Variants in MARCHF1 observed in about 807,000 individuals in gnomAD.
The protein encoded by MARCHF1 is E3 ubiquitin-protein ligase MARCHF1.
Under a neutral mutation model 54.2 loss-of-function variants are expected in MARCHF1, and 40 were observed. The ratio of observed to expected loss-of-function variants is 0.74; its 90% CI spans 0.57 to 0.96. MARCHF1 has a LOEUF of 0.96. Ranked by LOEUF, MARCHF1 falls within the 40% of genes least tolerant of loss-of-function variation. MARCHF1 has a pLI of 0.00. For synonymous variants in MARCHF1, 236 were observed against 236.3 expected, an observed-to-expected ratio of 1.00 and a Z score of 0.01; for missense variants, 586 against 656.5, an observed-to-expected ratio of 0.89 and a Z score of 1.17.
At chr4:164,105,830 C>G (rs1755682122) in intron 2 of MARCHF1, among the ~76,000 whole-genome samples, 1 of 139,334 alleles carries the variant, frequency 7.2e-6, no homozygotes, top group African/African-American at 2.9e-5. Flanking sequence ...GAACAGGTAA[C>G]CTACAATATG....
At chr4:163,831,835 C>A (rs1474140269) in intron 4 of MARCHF1, among the ~76,000 whole-genome samples, 1 of 152,106 alleles carries the variant, frequency 6.6e-6, no homozygotes, top group Non-Finnish European at 1.5e-5. Context: ...TTTGGTGTGG[C>A]AGAGCTTGAA....
intron 5 of MARCHF1, among the ~76,000 whole-genome samples, chr4:163,657,608 T>C (rs562203059): frequency 6.6e-6 from 1 of 151,962 alleles, no homozygotes; most frequent in South Asian, 2.1e-4. Flanking sequence ...GCCAAGACAA[T>C]CCTAGGCAAA....
At chr4:163,744,854 A>G (rs1746310797) in intron 4 of MARCHF1, among the ~76,000 whole-genome samples, 1 of 152,156 alleles carries the variant, frequency 6.6e-6, no homozygotes, top group Non-Finnish European at 1.5e-5. Flanking sequence ...AAATATATTG[A>G]CTAAAGATAT....
chr4:163,719,584 T>C (rs941794181), intron 4 of MARCHF1, among the ~76,000 whole-genome samples: 1 of 152,146 alleles, frequency 6.6e-6, no homozygotes, highest in African/African-American at 2.4e-5. Flanking sequence ...TTTCTACTTC[T>C]AGATCCTTGA....
intron 5 of MARCHF1, among the ~76,000 whole-genome samples, chr4:163,675,904 T>C (rs1218052563): frequency 2.0e-5 from 3 of 152,188 alleles, no homozygotes; most frequent in Admixed American, 6.5e-5. Flanking sequence ...AGAAGTCTTG[T>C]CAATTCATGC....
chr4:163,888,880 A>G (rs993783572), intron 3 of MARCHF1, among the ~76,000 whole-genome samples: 1 of 152,238 alleles, frequency 6.6e-6, no homozygotes, highest in East Asian at 1.9e-4. Context: ...CTTAATTTCT[A>G]CACTAGTGCC....
intron 9 of MARCHF1, among the ~76,000 whole-genome samples, chr4:163,533,479 T>G (rs1738424042): frequency 6.6e-6 from 1 of 151,782 alleles, no homozygotes; most frequent in South Asian, 2.1e-4. Flanking sequence ...ACACAAAGAG[T>G]GAGCCCCAAT....
At chr4:164,212,265 C>T (rs1276007424) in intron 1 of MARCHF1, among the ~76,000 whole-genome samples, 3 of 152,146 alleles carry the variant, frequency 2.0e-5, no homozygotes, top group African/African-American at 7.2e-5. Flanking sequence ...ATTTAATCAT[C>T]ATGATAGCCA....
chr4:163,873,595 G>A (rs1750226376), intron 3 of MARCHF1, among the ~76,000 whole-genome samples: 1 of 152,186 alleles, frequency 6.6e-6, no homozygotes, highest in Non-Finnish European at 1.5e-5. Flanking sequence ...GGCTTCCCCA[G>A]CATCTGAGTT....
intron 1 of MARCHF1, among the ~76,000 whole-genome samples, chr4:164,232,091 A>G (rs1228367529): frequency 6.6e-6 from 1 of 152,182 alleles, no homozygotes; most frequent in Non-Finnish European, 1.5e-5. Flanking sequence ...AGCCACTCAC[A>G]TGACAAGCTT....
chr4:163,559,547 G>C (rs1226600340), intron 8 of MARCHF1, among the ~76,000 whole-genome samples: 4 of 152,150 alleles, frequency 2.6e-5, no homozygotes, highest in African/African-American at 9.7e-5. Context: ...ACTCGGAGAA[G>C]AGATCTAACA....
rs537764714 is a variant in MARCHF1, at chr4:163,704,845, G to A, written c.112-3982C>T. Among the ~76,000 whole-genome samples, 22 of 151,454 alleles carry A rather than the reference G, an allele frequency of 1.5e-4. No individual in the cohort carries two copies. The South Asian group carries it at 4.0e-3, about 27-fold the overall frequency. ...TTAAATTGATTTAAGTTAGAGAAAG[G>A]ATAAAAAGATTTTCTTAAAGGAAGT... is the stretch of plus-strand genomic sequence containing the variant. On this transcript the variant is annotated intron_variant, in intron 4 of 9. Transcript: ENST00000514618.
At chr4:163,635,368 G>C (rs1742275998) in intron 5 of MARCHF1, among the ~76,000 whole-genome samples, 1 of 151,742 alleles carries the variant, frequency 6.6e-6, no homozygotes, top group African/African-American at 2.4e-5. Flanking sequence ...AATAAAAAAA[G>C]ATAGAAGAAT....
chr4:164,365,819 T>C (rs1730862236), intron 1 of MARCHF1, among the ~76,000 whole-genome samples: 1 of 152,016 alleles, frequency 6.6e-6, no homozygotes, highest in Non-Finnish European at 1.5e-5. Flanking sequence ...CCTTTCTATA[T>C]AAACAAGTAT....
intron 5 of MARCHF1, among the ~76,000 whole-genome samples, chr4:163,694,118 G>A (rs1744545806): frequency 6.6e-6 from 1 of 152,136 alleles, no homozygotes; most frequent in Admixed American, 6.6e-5. Context: ...TGTCTTTTAA[G>A]TTTCTCCTCA....
intron 2 of MARCHF1, among the ~76,000 whole-genome samples, chr4:163,998,488 A>G (rs1416468506): frequency 1.3e-5 from 2 of 151,722 alleles, no homozygotes; most frequent in Admixed American, 6.6e-5. Flanking sequence ...TCATTACCTC[A>G]TACACTTATT....
At chr4:163,753,970 C>G (rs1561059186) in intron 4 of MARCHF1, among the ~76,000 whole-genome samples, 1 of 152,136 alleles carries the variant, frequency 6.6e-6, no homozygotes. Context: ...CCTCAAAGGA[C>G]TACCAGAAAT....
chr4:163,654,245 A>T (rs1743065442), intron 5 of MARCHF1, among the ~76,000 whole-genome samples: 1 of 151,770 alleles, frequency 6.6e-6, no homozygotes, highest in South Asian at 2.1e-4. Context: ...GAGGATGTTC[A>T]AAACATAATT....
chr4:164,036,034 C>G (rs1488415716), intron 2 of MARCHF1, among the ~76,000 whole-genome samples: 2 of 140,468 alleles, frequency 1.4e-5, no homozygotes, highest in African/African-American at 5.4e-5. Context: ...ATGTGAGAGG[C>G]AGAGGTTGCA....
Sources: allele counts gnomAD v4.1 joint callset (sites outside exome capture counted in the v4.1 genomes callset), GRCh38; gene constraint gnomAD v4.1.1; transcripts MANE v1.5; gene names NCBI Gene and HGNC (gene_info 2026-07-23, HGNC 2026-07-21).